The following EIF2A variants were observed in gnomAD, a reference collection of about 807,000 sequenced individuals.
The protein encoded by EIF2A is 65 kDa eukaryotic translation initiation factor 2A.
In EIF2A, 62 loss-of-function variants were observed where a neutral mutation model predicts 75.2. The ratio of observed to expected loss-of-function variants is 0.82; its 90% confidence interval spans 0.67 to 1.02. The LOEUF (loss-of-function observed/expected upper bound fraction) is 1.02. EIF2A is among the 50% of genes least tolerant of loss of function. The pLI is 0.00. For missense variants in EIF2A, 611 were observed against 677.7 expected, an observed-to-expected ratio of 0.90 and a Z score of 1.09; for synonymous variants, 207 against 239.0, an observed-to-expected ratio of 0.87 and a Z score of 1.23.
chr3:150,547,016 C>T (rs2107891442), intron 1 of EIF2A, 186 bp downstream of exon 1: 3 of 664,302 alleles, frequency 4.5e-6, no homozygotes, highest in Middle Eastern at 8.5e-4. Context: ...CGCCTCTGGG[C>T]TTTCGTATTC....
chr3:150,569,418 TG>T (rs935714642), intron 9 of EIF2A, among the ~76,000 whole-genome samples: 2 of 101,300 alleles, frequency 2.0e-5, no homozygotes, highest in African/African-American at 6.4e-5. Context: ...AAATGCTAAC[TG>T]ATTTTTTTTT....
intron 1 of EIF2A, among the ~76,000 whole-genome samples, chr3:150,550,021 GC>G (rs1723238242): frequency 6.6e-6 from 1 of 152,058 alleles, no homozygotes; most frequent in Non-Finnish European, 1.5e-5. Flanking sequence ...TCTAACTCAG[GC>G]CTAGAGCAAT....
At chr3:150,571,137 T>G (rs966985156) in intron 9 of EIF2A, among the ~76,000 whole-genome samples, 7 of 151,924 alleles carry the variant, frequency 4.6e-5, no homozygotes, top group Non-Finnish European at 1.0e-4. Context: ...TAAAATGACC[T>G]GTGTTTGTGG....
Position 150,568,061 on chromosome 3 carries a change from T to C in EIF2A, c.694+15T>C. 2.5e-6 allele frequency: 4 copies of C among 1,604,912 alleles called. No individual in the cohort carries two copies. The highest frequency in any genetic ancestry group is 3.4e-6 in the Non-Finnish European group (4 of 1,176,632). On this transcript the variant is annotated intron_variant, in intron 8 of 13. Coordinates refer to ENST00000460851, the MANE Select transcript of EIF2A (RefSeq NM_032025.5). ...GAATAAAAAAGGTATGTTAAGTATA[T>C]TTTATCCCTCCCTTTGTTTATCAGT...
Position 150,584,199 on chromosome 3 carries a change from G to T in EIF2A, c.*288G>T. ...ACAAGTGTCATTTTTTTTTGTAGAGGGTGATATATACCATGTAAATGAACA... is the reference window on the plus strand; with the variant it reads ...ACAAGTGTCATTTTTTTTTGTAGAGTGTGATATATACCATGTAAATGAACA... On this transcript the variant is annotated 3_prime_UTR_variant, in exon 14 of 14. Coordinates refer to ENST00000460851, the MANE Select transcript of EIF2A (RefSeq NM_032025.5). 1.8e-5 allele frequency: 5 copies of T among 285,084 alleles called. No homozygotes were observed. The highest frequency in any genetic ancestry group is 2.6e-5 in the Non-Finnish European group (4 of 154,638). The allele number at this position is 285,084 out of a possible 1,614,324, so 17.7% of individuals were successfully genotyped here. A position where few individuals can be genotyped will look rare whatever the true frequency, so the allele number is the denominator to read the frequency against.
intron 4 of EIF2A, 56 bp downstream of exon 4, chr3:150,562,716 G>A: frequency 7.4e-7 from 1 of 1,349,714 alleles, no homozygotes; most frequent in Non-Finnish European, 1.0e-6. Flanking sequence ...GTTTAGTGGG[G>A]GGGAAAAAGT....
chr3:150,584,110 A>C lies in EIF2A; in HGVS notation c.*199A>C. ...ATATTTATATCTTGCATCCTATATC[A>C]TGTCAATATGTGATATAGAAAAGAG... On this transcript the variant is annotated 3_prime_UTR_variant, in exon 14 of 14. Transcript: ENST00000460851. 1.2e-4 allele frequency: 60 copies of C among 486,098 alleles called. No homozygotes were observed. Among genetic ancestry groups the C allele is most frequent in the East Asian group, 4.4e-4 (13 of 29,470 alleles). 30.1% of individuals were successfully genotyped at this position (486,098 alleles called of 1,614,324 possible). A position where few individuals can be genotyped will look rare whatever the true frequency, so the allele number is the denominator to read the frequency against.
At chr3:150,572,586 G>A in intron 10 of EIF2A, 57 bp downstream of exon 10, 2 of 1,497,454 alleles carry the variant, frequency 1.3e-6, no homozygotes, top group East Asian at 2.3e-5. Flanking sequence ...CAGGAGTGGT[G>A]GTTCACATCC....
intron 6 of EIF2A, chr3:150,565,191 T>C (rs776427878): frequency 2.4e-5 from 11 of 456,678 alleles, no homozygotes; most frequent in South Asian, 9.3e-5. Flanking sequence ...AAATTGCAAG[T>C]TGGCTCTAGA....
At chr3:150,576,604 C>T (rs1037138969) in intron 11 of EIF2A, among the ~76,000 whole-genome samples, 2 of 152,114 alleles carry the variant, frequency 1.3e-5, no homozygotes, top group African/African-American at 4.8e-5. Context: ...TAACCTGAGA[C>T]ACTAATGGTA....
chr3:150,563,431 C>A, intron 4 of EIF2A, 84 bp from the exon 5 acceptor site: 1 of 1,021,490 alleles, frequency 9.8e-7, no homozygotes, highest in Non-Finnish European at 1.4e-6. Context: ...TGATAGTAAT[C>A]CATATCAAAC....
At chr3:150,574,018 A>G (rs1157756969) in intron 10 of EIF2A, among the ~76,000 whole-genome samples, 1 of 152,062 alleles carries the variant, frequency 6.6e-6, no homozygotes, top group Non-Finnish European at 1.5e-5. Context: ...GAGACCAGCC[A>G]GGGCAACATG....
At chr3:150,560,716 C>CTTTTTTTTTTTTTTTTTTTTT (rs71138455) in intron 3 of EIF2A, among the ~76,000 whole-genome samples, 9 of 120,680 alleles carry the variant, frequency 7.5e-5, no homozygotes, top group Non-Finnish European at 1.4e-4. Flanking sequence ...GATGGAGAGT[C>CTTTTTTTTTTTTTTTTTTTTT]TTTTTTTTTT....
rs528684322 is a variant in EIF2A at position 150,546,924 on chromosome 3, T to G, written c.28+94T>G. On this transcript the variant is annotated intron_variant, in intron 1 of 13. Coordinates refer to ENST00000460851, the MANE Select transcript of EIF2A (RefSeq NM_032025.5). ...GAACTACCCGAGGAGCCGGGGAGTC[T>G]GATCTGCCTTTTCTTGTGGCTTGCG... 5.2e-6 allele frequency: 8 copies of G among 1,551,072 alleles called. No homozygotes were observed. The East Asian group carries it at 1.8e-4, about 35-fold the overall frequency.
At chr3:150,580,032 AT>A (rs1725088538) in intron 11 of EIF2A, among the ~76,000 whole-genome samples, 1 of 152,044 alleles carries the variant, frequency 6.6e-6, no homozygotes, top group South Asian at 2.1e-4. Flanking sequence ...TTTATTTTTT[AT>A]TTATTTAGCC....
chr3:150,576,110 A>G lies in EIF2A; in HGVS notation c.1497+348A>G, dbSNP rs116220978. Among the ~76,000 whole-genome samples the G allele has an allele frequency of 3.0e-3, 457 of 152,214 alleles. 6 individuals are homozygous for G. The highest frequency in any genetic ancestry group is 0.01 in the African/African-American group (428 of 41,546). ...CTCCAAAAAAAAAGGCAGTTAAGTTAGCTTTAAGCCTTAAAGTTTAAAGAA... is the reference window on the plus strand; with the variant it reads ...CTCCAAAAAAAAAGGCAGTTAAGTTGGCTTTAAGCCTTAAAGTTTAAAGAA... On this transcript the variant is annotated intron_variant, in intron 11 of 13. Coordinates refer to ENST00000460851, the MANE Select transcript of EIF2A (RefSeq NM_032025.5).
At chr3:150,549,736 C>T (rs966571578) in intron 1 of EIF2A, among the ~76,000 whole-genome samples, 3 of 152,166 alleles carry the variant, frequency 2.0e-5, no homozygotes, top group African/African-American at 7.2e-5. Flanking sequence ...TATCTTCCCA[C>T]TCCTCGATAC....
chr3:150,552,655 G>T (rs1723372446), intron 2 of EIF2A: 1 of 352,176 alleles, frequency 2.8e-6, no homozygotes, highest in South Asian at 6.6e-5. Context: ...ACAATACTAA[G>T]AAAAAGTGTA....
intron 1 of EIF2A, 101 bp downstream of exon 1, chr3:150,546,931 C>T (rs962453756): frequency 1.3e-5 from 20 of 1,535,290 alleles, no homozygotes; most frequent in Non-Finnish European, 1.7e-5. Context: ...GTCTGATCTG[C>T]CTTTTCTTGT....
Sources: gnomAD v4.1 joint callset for allele counts (sites outside exome capture counted in the v4.1 genomes callset) on GRCh38, gnomAD v4.1.1 for gene constraint, MANE v1.5 for transcripts, NCBI Gene and HGNC (gene_info 2026-07-23, HGNC 2026-07-21) for gene names.